TUBGCP5: variants seen among roughly 807,000 people sequenced by gnomAD.
TUBGCP5 encodes the protein tubulin gamma complex component 5.
A neutral mutation model predicts 134.7 loss-of-function variants in TUBGCP5; 98 were observed. The observed-to-expected ratio is 0.73, with a 90% CI of 0.62 to 0.86. The LOEUF (loss-of-function observed/expected upper bound fraction) is 0.86. TUBGCP5 is among the 40% of genes least tolerant of loss of function. The probability of loss-of-function intolerance (pLI) is 0.00; values close to 1 mark genes in which losing one functional copy is unlikely to be tolerated. For missense variants in TUBGCP5, 1,150 were observed against 1,244.8 expected (o/e 0.92, Z 1.15); for synonymous variants, 456 against 431.4 (o/e 1.06, Z -0.71).
intron 14 of TUBGCP5, 79 bp from the exon 15 acceptor site, chr15:23,010,212 A>C (rs1035583007): frequency 6.9e-7 from 1 of 1,441,108 alleles, no homozygotes. Flanking sequence ...CTGAAGTTCC[A>C]TTTTTACCTT....
downstream of TUBGCP5, among the ~76,000 whole-genome samples, chr15:22,998,044 G>A (rs1211462964): frequency 1.3e-5 from 2 of 152,078 alleles, no homozygotes; most frequent in Non-Finnish European, 2.9e-5. Flanking sequence ...GCCAGGCACA[G>A]TGGCTCACGC....
chr15:23,019,282 G>C lies in TUBGCP5; in HGVS notation c.1424C>G (p.Thr475Arg). The change falls in exon 12 of 23, where the codon ACG becomes AGG. Residue 475 changes from threonine to arginine, a missense_variant. Physicochemically the swap from Thr to Arg is moderately conservative, Grantham distance 71. Coordinates refer to ENST00000615383, the MANE Select transcript of TUBGCP5 (RefSeq NM_052903.6). ...CCCGTGCACGATCCACTCGTCCACC[G>C]TCTGCAGGTAAGGCCGCACCGTTTC... ...WVETVRPYLQ[T>R]VDEWIVHGHL... 6.2e-7 allele frequency: 1 copy of C among 1,614,068 alleles called. No homozygotes were observed. Among genetic ancestry groups the C allele is most frequent in the Non-Finnish European group, 8.5e-7 (1 of 1,179,980 alleles).
chr15:23,008,859 T>G lies in TUBGCP5; in HGVS notation c.2167A>C (p.Met723Leu). ...DYRLVEYLQA[M>L]RNFFLMEGGD... ...CCTTCCATTAAGAAAAAATTCCTCATAGCTTGCAAGTATTCTACCAACCTG... is the reference window on the plus strand; with the variant it reads ...CCTTCCATTAAGAAAAAATTCCTCAGAGCTTGCAAGTATTCTACCAACCTG... The change falls in exon 16 of 23, where the codon ATG becomes CTG. Residue 723 changes from methionine (M) to leucine (L), a missense_variant. This residue lies in a region of TUBGCP5 where 697 missense variants were observed against 850.1 expected (regional missense o/e 0.82). Transcript: ENST00000615383. 1.3e-6 allele frequency: 2 copies of G among 1,575,940 alleles called. No homozygotes were observed. The highest frequency in any genetic ancestry group is 2.4e-5 in the South Asian group (2 of 84,172).
At chr15:22,987,678 T>C (rs1286728447) in intron 23 of TUBGCP5, among the ~76,000 whole-genome samples, 2 of 151,088 alleles carry the variant, frequency 1.3e-5, no homozygotes, top group African/African-American at 2.4e-5. Flanking sequence ...GGGTGGATCA[T>C]GAGGTCAGGA....
At position 23,013,977 on chromosome 15, in the gene TUBGCP5, G is replaced by A. The variant is rs752169134; in HGVS notation, c.1757-2646C>T. 8.5e-5 allele frequency among the ~76,000 whole-genome samples: 13 copies of A among 152,152 alleles called. No individual in the cohort carries two copies. Among genetic ancestry groups the A allele is most frequent in the Non-Finnish European group, 1.8e-4 (12 of 68,012 alleles). On this transcript the variant is annotated intron_variant, in intron 13 of 22. Transcript: ENST00000615383. This position sits in a 1 kb window ranked among gnomAD's most constrained non-coding sequence, Gnocchi z 4.5. ...CTATGTGGAGCCTGGGCCCAGGATC[G>A]ACTGGTGATTCTGGTCCTGCACAGC...
chr15:22,984,760 A>C (rs2063632621), intron 23 of TUBGCP5, among the ~76,000 whole-genome samples: 1 of 152,234 alleles, frequency 6.6e-6, no homozygotes, highest in African/African-American at 2.4e-5. Flanking sequence ...CCTAAATTTG[A>C]AAGCTAAAGA....
Position 23,022,425 on chromosome 15 carries a change from C to G in TUBGCP5, c.1169-264G>C, listed in dbSNP as rs73411308. On this transcript the variant is annotated intron_variant, in intron 10 of 22. Coordinates refer to ENST00000615383, the MANE Select transcript of TUBGCP5 (RefSeq NM_052903.6). Reference sequence around the variant, plus strand: ...GAATGATGAGTGATTCTAAAACATACAGAAAGTCACTTGACCTTACTTATA... The same window carrying G: ...GAATGATGAGTGATTCTAAAACATAGAGAAAGTCACTTGACCTTACTTATA... Among the ~76,000 whole-genome samples the G allele has an allele frequency of 4.1e-3, 622 of 152,280 alleles. 6 individuals are homozygous for G. Among genetic ancestry groups the G allele is most frequent in the African/African-American group, 0.015 (605 of 41,558 alleles).
chr15:22,984,629 TAAAAG>T (rs2063629306), intron 23 of TUBGCP5, among the ~76,000 whole-genome samples: 1 of 148,840 alleles, frequency 6.7e-6, no homozygotes, highest in African/African-American at 2.5e-5. Context: ...AAAAAAAAAA[TAAAAG>T]AAACTTTTTT....
downstream of TUBGCP5, among the ~76,000 whole-genome samples, chr15:22,998,408 A>G (rs1460547601): frequency 1.3e-5 from 2 of 152,144 alleles, no homozygotes; most frequent in South Asian, 4.1e-4. Context: ...AGTTGAAGCT[A>G]TTTTCCATGT....
At chr15:23,024,618 C>G in intron 9 of TUBGCP5, 119 bp downstream of exon 9, 2 of 572,650 alleles carry the variant, frequency 3.5e-6, no homozygotes, top group South Asian at 6.4e-5. Flanking sequence ...CTTTTTTTTG[C>G]ATGTGAGGAA....
Position 23,032,027 on chromosome 15 carries a change from T to C in TUBGCP5, c.409A>G (p.Lys137Glu). The change falls in exon 5 of 23, where the codon AAG becomes GAG. Residue 137 changes from lysine (K) to glutamate (E), a missense_variant and splice_region_variant. Transcript: ENST00000615383. The stretch of plus-strand genomic sequence containing the variant: ...TTTCCCCAGTCGAAATCATCTTTCT[T>C]TTCTAAAATGTAACAGAAGAACTTC... Reference protein sequence around the residue: ...VETPRNKEVEKKDDFDWGKYL... With the variant: ...VETPRNKEVEEKDDFDWGKYL... 6.2e-7 allele frequency: 1 copy of C among 1,610,430 alleles called. No homozygotes were observed. The highest frequency in any genetic ancestry group is 8.5e-7 in the Non-Finnish European group (1 of 1,177,752).
intron 23 of TUBGCP5, among the ~76,000 whole-genome samples, chr15:22,988,882 C>T (rs572035630): frequency 2.6e-5 from 4 of 152,120 alleles, no homozygotes; most frequent in East Asian, 2.0e-4. Flanking sequence ...TTCAGGCATG[C>T]ACCACCAGGC....
At chr15:22,996,622 G>C (rs73411355), downstream of TUBGCP5, among the ~76,000 whole-genome samples, 5,162 of 152,132 alleles carry the variant, frequency 0.034, 299 homozygotes, top group African/African-American at 0.12. Context: ...AGAGTAGGTG[G>C]GACTACAGGT....
At chr15:23,024,901 C>T (rs1269438191) in intron 8 of TUBGCP5, 71 bp from the exon 9 acceptor site, 4 of 890,566 alleles carry the variant, frequency 4.5e-6, no homozygotes, top group Non-Finnish European at 7.1e-6. Flanking sequence ...ATGCCCAGGA[C>T]ATTTTTTTTT....
intron 13 of TUBGCP5, 46 bp downstream of exon 13, chr15:23,017,727 C>A: frequency 6.4e-7 from 1 of 1,565,836 alleles, no homozygotes; most frequent in South Asian, 1.2e-5. Context: ...CGAGTAGGGT[C>A]AGGTGTCCCA....
intron 3 of TUBGCP5, among the ~76,000 whole-genome samples, chr15:23,033,653 A>G (rs1490894343): frequency 1.3e-5 from 2 of 152,244 alleles, no homozygotes; most frequent in Non-Finnish European, 2.9e-5. Flanking sequence ...GAGTGTTTGC[A>G]TTTGGAATTT....
In TUBGCP5 at chr15:23,011,124, G is replaced by T. The variant is rs1403636734; in HGVS notation, c.1955+9C>A. The T allele has an allele frequency of 6.2e-7, 1 of 1,612,216 alleles. No homozygotes were observed. Among genetic ancestry groups the T allele is most frequent in the Non-Finnish European group, 8.5e-7 (1 of 1,178,762 alleles). ...TTCAATTACTGATAACCTTGCAGGT[G>T]TGTCTCACCTTGCAAAGTTAATGGC... On this transcript the variant is annotated intron_variant, in intron 14 of 22. Transcript: ENST00000615383.
intron 16 of TUBGCP5, among the ~76,000 whole-genome samples, chr15:23,007,440 A>G (rs912771740): frequency 1.3e-5 from 2 of 152,192 alleles, no homozygotes; most frequent in Admixed American, 6.5e-5. Flanking sequence ...GCATTCACTC[A>G]GTGCTTAGTA....
intron 23 of TUBGCP5, among the ~76,000 whole-genome samples, chr15:22,988,962 C>T (rs1034710419): frequency 9.9e-5 from 15 of 151,746 alleles, no homozygotes; most frequent in African/African-American, 2.4e-4. Context: ...CTCACATTCC[C>T]GGATCCTGCT....
Sources: gnomAD v4.1 joint callset for allele counts (sites outside exome capture counted in the v4.1 genomes callset) on GRCh38, gnomAD v4.1.1 for gene constraint, gnomAD v4.1.1 regional missense constraint, Gnocchi (gnomAD v3.1) non-coding constraint, MANE v1.5 for transcripts, NCBI Gene and HGNC (gene_info 2026-07-23, HGNC 2026-07-21) for gene names.